Variants in SCIMP observed in about 807,000 individuals in gnomAD.
SCIMP encodes SLP adapter and CSK-interacting membrane protein.
In SCIMP, 18 loss-of-function variants were observed where a neutral mutation model predicts 22.0. The observed-to-expected ratio is 0.82, with a 90% CI of 0.56 to 1.21. The LOEUF (loss-of-function observed/expected upper bound fraction) is 1.21, where lower values mean the gene tolerates loss of function less well. Among genes scored for constraint, SCIMP ranks in the 50% most tolerant of loss-of-function variants. The pLI is 0.00. For synonymous variants in SCIMP, 53 were observed against 62.2 expected (o/e 0.85, Z 0.70); for missense variants, 155 against 171.2 (o/e 0.91, Z 0.53).
At chr17:5,232,050 C>A (rs1471440090) in intron 1 of SCIMP, among the ~76,000 whole-genome samples, 2 of 134,148 alleles carry the variant, frequency 1.5e-5, no homozygotes, top group Admixed American at 1.6e-4. Context: ...AGCGAGACTC[C>A]GTCTCAAAAA....
intron 2 of SCIMP, among the ~76,000 whole-genome samples, chr17:5,221,900 G>A (rs1253080593): frequency 6.6e-6 from 1 of 151,952 alleles, no homozygotes. Flanking sequence ...AGCCTCCTGA[G>A]TAGCTGACGT....
At chr17:5,231,111 G>C (rs543847917) in intron 1 of SCIMP, among the ~76,000 whole-genome samples, 28 of 152,300 alleles carry the variant, frequency 1.8e-4, no homozygotes, top group Non-Finnish European at 3.2e-4. Context: ...TGTAATCCCA[G>C]CACTTTGGGA....
chr17:5,213,277 A>C, intron 4 of SCIMP: 1 of 318,992 alleles, frequency 3.1e-6, no homozygotes, highest in South Asian at 8.6e-5. Context: ...TTTTTTTTTG[A>C]GACAGGGTCT....
At chr17:5,222,356 G>T (rs931584954) in intron 2 of SCIMP, among the ~76,000 whole-genome samples, 3 of 152,172 alleles carry the variant, frequency 2.0e-5, no homozygotes, top group African/African-American at 7.2e-5. Context: ...CTCCCAAAGT[G>T]CTGGGATTAC....
chr17:5,224,421 G>A (rs2074632146), intron 1 of SCIMP, among the ~76,000 whole-genome samples: 2 of 151,044 alleles, frequency 1.3e-5, no homozygotes, highest in South Asian at 2.1e-4. Context: ...ACAGGCGTGA[G>A]CCACTGCACC....
At position 5,210,999 on chromosome 17, in the gene SCIMP, T is replaced by C. The variant is rs769853168; in HGVS notation, c.284-44A>G. On this transcript the variant is annotated intron_variant, in intron 4 of 4. Transcript: ENST00000574081. ...TCCTTAGATGCAAAGCTGTCATGTG[T>C]TTTTATATTTTTGAAGGCAGTGGCT... The C allele has an allele frequency of 1.5e-5, 23 of 1,564,322 alleles. No homozygotes were observed. In the Middle Eastern group the frequency reaches 5.2e-4, roughly 35 times the overall value.
chr17:5,219,025 T>TA lies in SCIMP; in HGVS notation c.209+2261dup, dbSNP rs564870881. Among the ~76,000 whole-genome samples, 170 of 152,264 alleles carry TA rather than the reference T, an allele frequency of 1.1e-3. 1 individual carries two copies. Among genetic ancestry groups the TA allele is most frequent in the African/African-American group, 3.8e-3 (156 of 41,568 alleles). On this transcript the variant is annotated intron_variant, in intron 3 of 4. Transcript: ENST00000574081. Reference sequence around the variant, plus strand: ...TAAACCCTTGGAATATTCTTCCTAATAAGAGTGTCTCCGGCCGGGCGTGGT... The same window carrying TA: ...TAAACCCTTGGAATATTCTTCCTAATAAAGAGTGTCTCCGGCCGGGCGTGGT...
At position 5,210,522 on chromosome 17, in the gene SCIMP, G is replaced by A; in HGVS notation, c.*279C>T. 3.1e-6 allele frequency: 1 copy of A among 319,058 alleles called. No individual in the cohort carries two copies. The highest frequency in any genetic ancestry group is 5.7e-6 in the Non-Finnish European group (1 of 175,418). The allele number at this position is 319,058 out of a possible 1,614,324, so 19.8% of individuals were successfully genotyped here. A position where few individuals can be genotyped will look rare whatever the true frequency, so the allele number is the denominator to read the frequency against. ...GTTTCCCACAGGTGGGAGCCATGGA[G>A]CCCCGTGGTCCTTCCCATGGAAAGT... On this transcript the variant is annotated 3_prime_UTR_variant, in exon 5 of 5. Transcript: ENST00000574081.
chr17:5,222,665 CT>C (rs994871083), intron 2 of SCIMP, among the ~76,000 whole-genome samples: 2 of 151,074 alleles, frequency 1.3e-5, no homozygotes, highest in African/African-American at 2.4e-5. Flanking sequence ...CAAGACAGTT[CT>C]TTTTTTTTCT....
Position 5,221,323 on chromosome 17 carries a change from A to G in SCIMP, c.173T>C (p.Leu58Pro). Residue 58 changes from leucine (L) to proline (P), a missense_variant, in exon 3 of 5, where the codon CTG becomes CCG. By Grantham distance (98) the Leu-to-Pro change is moderately conservative. Transcript: ENST00000574081. Reference protein sequence around the residue: ...RGKKWEIAKPLKHKQVDEEKM... With the variant: ...RGKKWEIAKPPKHKQVDEEKM... Reference sequence around the variant, plus strand: ...TTCTTCATCTACTTGCTTGTGTTTCAGGGGCTTGGCAATTTCCCATTTCTT... The same window carrying G: ...TTCTTCATCTACTTGCTTGTGTTTCGGGGGCTTGGCAATTTCCCATTTCTT... 6.2e-7 allele frequency: 1 copy of G among 1,613,638 alleles called. No individual in the cohort carries two copies. The highest frequency in any genetic ancestry group is 1.1e-5 in the South Asian group (1 of 91,070).
intron 3 of SCIMP, 49 bp from the exon 4 acceptor site, chr17:5,215,047 T>C (rs1206307500): frequency 8.7e-7 from 1 of 1,152,498 alleles, no homozygotes; most frequent in East Asian, 2.3e-5. Flanking sequence ...GGGCCATGCC[T>C]GCTCCCAGCC....
At chr17:5,212,366 G>T (rs922959281) in intron 4 of SCIMP, among the ~76,000 whole-genome samples, 1 of 151,962 alleles carries the variant, frequency 6.6e-6, no homozygotes, top group African/African-American at 2.4e-5. Flanking sequence ...CGGGCGCGGT[G>T]GCTCACGCCT....
chr17:5,234,258 C>T (rs1053436854), intron 1 of SCIMP, among the ~76,000 whole-genome samples: 5 of 152,104 alleles, frequency 3.3e-5, no homozygotes, highest in East Asian at 1.9e-4. Context: ...GCGACAAGAG[C>T]GAAACTCCAT....
chr17:5,232,037 C>A (rs1000374401), intron 1 of SCIMP, among the ~76,000 whole-genome samples: 9 of 149,982 alleles, frequency 6.0e-5, no homozygotes, highest in Non-Finnish European at 1.2e-4. Context: ...GCCTGGGCGA[C>A]AGAGCGAGAC....
intron 1 of SCIMP, among the ~76,000 whole-genome samples, chr17:5,230,924 G>C (rs2074688778): frequency 6.6e-6 from 1 of 152,164 alleles, no homozygotes; most frequent in African/African-American, 2.4e-5. Flanking sequence ...CTGGGTTATA[G>C]AGTGAGACCC....
intron 3 of SCIMP, among the ~76,000 whole-genome samples, chr17:5,219,187 C>T (rs142958743): frequency 0.015 from 2,310 of 152,060 alleles, 60 homozygotes; most frequent in African/African-American, 0.052. Context: ...GGTGTGGTGG[C>T]GCGCGCCTGT....
chr17:5,232,852 G>A (rs866352035), intron 1 of SCIMP, among the ~76,000 whole-genome samples: 11 of 151,952 alleles, frequency 7.2e-5, no homozygotes, highest in Admixed American at 5.2e-4. Context: ...TGGGATTACC[G>A]ACACGCACCA....
intron 1 of SCIMP, among the ~76,000 whole-genome samples, chr17:5,232,224 C>T (rs974063389): frequency 7.9e-5 from 12 of 152,174 alleles, no homozygotes; most frequent in East Asian, 5.8e-4. Flanking sequence ...CAGTTGTTTG[C>T]GCTGATGCGT....
rs529885100 is a variant in SCIMP at position 5,225,634 on chromosome 17, C to T, written c.22-2178G>A. On this transcript the variant is annotated intron_variant, in intron 1 of 4. Transcript: ENST00000574081. ...AAAATTAGCTGGGCATGGTGGTGCA[C>T]GCCTGTAATCCCAGCTACTTGAGAG... Among the ~76,000 whole-genome samples the T allele has an allele frequency of 5.3e-5, 8 of 152,016 alleles. No homozygotes were observed. In the South Asian group the frequency reaches 1.2e-3, roughly 24 times the overall value.
Sources: allele counts gnomAD v4.1 joint callset (sites outside exome capture counted in the v4.1 genomes callset), GRCh38; gene constraint gnomAD v4.1.1; transcripts MANE v1.5; gene names NCBI Gene and HGNC (gene_info 2026-07-23, HGNC 2026-07-21).